The following FSTL4 variants were observed in gnomAD, a reference collection of about 807,000 sequenced individuals.
FSTL4 encodes follistatin-related protein 4.
In FSTL4, 28 loss-of-function variants were observed where a neutral mutation model predicts 78.2. The ratio of observed to expected loss-of-function variants is 0.36; its 90% CI spans 0.27 to 0.49. The LOEUF (loss-of-function observed/expected upper bound fraction) is 0.49. Among genes scored for constraint, FSTL4 ranks in the 20% least tolerant of loss-of-function variants. The probability of loss-of-function intolerance (pLI) is 0.98; values close to 1 mark genes in which losing one functional copy is unlikely to be tolerated. For missense variants in FSTL4, 922 were observed against 1,084.9 expected (o/e 0.85, Z 2.11); for synonymous variants, 422 against 440.5 (o/e 0.96, Z 0.53).
intron 6 of FSTL4, among the ~76,000 whole-genome samples, chr5:133,282,465 C>T (rs555371092): frequency 8.5e-5 from 13 of 152,240 alleles, no homozygotes; most frequent in Admixed American, 2.0e-4. Context: ...TTAACATTCA[C>T]GGAATAATTG....
the FSTL4 span, among the ~76,000 whole-genome samples, chr5:133,727,110 G>T: frequency 2.0e-5 from 3 of 152,072 alleles, no homozygotes; most frequent in Non-Finnish European, 4.4e-5. Flanking sequence ...AGCTAACTAT[G>T]TCCCAGACAA....
intron 4 of FSTL4, among the ~76,000 whole-genome samples, chr5:133,382,301 G>A (rs191774203): frequency 6.2e-4 from 95 of 152,324 alleles, no homozygotes; most frequent in South Asian, 2.1e-4. Flanking sequence ...GATGTACTGC[G>A]TGAGTGAGAA....
chr5:133,481,971 G>A (rs1320227022), intron 3 of FSTL4, among the ~76,000 whole-genome samples: 3 of 152,238 alleles, frequency 2.0e-5, no homozygotes, highest in African/African-American at 7.2e-5. Flanking sequence ...TCTTGAGAAG[G>A]AGGGAAGGAG....
intron 3 of FSTL4, among the ~76,000 whole-genome samples, chr5:133,491,125 A>C (rs1328714420): frequency 6.6e-6 from 1 of 152,252 alleles, no homozygotes; most frequent in Non-Finnish European, 1.5e-5. Context: ...AAAGAAAAAA[A>C]AATTGTTTTT....
the FSTL4 span, among the ~76,000 whole-genome samples, chr5:133,639,638 G>A: frequency 7.2e-5 from 11 of 152,252 alleles, no homozygotes; most frequent in African/African-American, 2.2e-4. Context: ...TCCTACTCTC[G>A]GGCCATCTGT....
chr5:133,575,769 G>A (rs548676010), intron 2 of FSTL4, among the ~76,000 whole-genome samples: 2 of 152,212 alleles, frequency 1.3e-5, no homozygotes, highest in South Asian at 4.2e-4. Flanking sequence ...CAAACCAGAT[G>A]GTTATAAATG....
the FSTL4 span, among the ~76,000 whole-genome samples, chr5:133,669,620 AT>A: frequency 6.6e-6 from 1 of 152,188 alleles, no homozygotes; most frequent in Non-Finnish European, 1.5e-5. Flanking sequence ...CCTTGGGAGC[AT>A]CTGGGACTAG....
the FSTL4 span, among the ~76,000 whole-genome samples, chr5:133,833,110 C>A: frequency 2.0e-5 from 3 of 152,190 alleles, no homozygotes; most frequent in Non-Finnish European, 4.4e-5. Context: ...ATCCCCTCTC[C>A]CTGCTGAGAC....
the FSTL4 span, among the ~76,000 whole-genome samples, chr5:133,717,324 T>C: frequency 1.3e-5 from 2 of 152,238 alleles, no homozygotes; most frequent in African/African-American, 4.8e-5. Flanking sequence ...GAGAACAACA[T>C]TTGTTTTCTC....
chr5:133,696,125 T>C, the FSTL4 span, among the ~76,000 whole-genome samples: 1 of 152,230 alleles, frequency 6.6e-6, no homozygotes, highest in Admixed American at 6.5e-5. Flanking sequence ...GAGTAGCCTT[T>C]TCCCATGGCT....
At chr5:133,734,329 T>G in the FSTL4 span, among the ~76,000 whole-genome samples, 1 of 152,222 alleles carries the variant, frequency 6.6e-6, no homozygotes, top group Admixed American at 6.5e-5. Context: ...CAAAGATTAT[T>G]GTTAATTTTA....
the FSTL4 span, among the ~76,000 whole-genome samples, chr5:133,827,551 A>G: frequency 3.9e-5 from 6 of 152,088 alleles, no homozygotes; most frequent in Non-Finnish European, 1.5e-5. Flanking sequence ...CTTATATATC[A>G]GCACCAACAT....
intron 3 of FSTL4, among the ~76,000 whole-genome samples, chr5:133,489,502 T>A (rs1376798887): frequency 6.6e-6 from 1 of 152,212 alleles, no homozygotes; most frequent in Non-Finnish European, 1.5e-5. Flanking sequence ...TTTGAGGTAC[T>A]ATCTAGAAGG....
the FSTL4 span, among the ~76,000 whole-genome samples, chr5:133,729,433 TTAAA>T: frequency 6.6e-6 from 1 of 152,052 alleles, no homozygotes; most frequent in South Asian, 2.1e-4. Context: ...GCTGGGAGGG[TTAAA>T]TAAATAATGC....
At chr5:133,530,041 T>A (rs1177163363) in intron 3 of FSTL4, among the ~76,000 whole-genome samples, 3 of 152,148 alleles carry the variant, frequency 2.0e-5, no homozygotes, top group Admixed American at 1.3e-4. Flanking sequence ...TTTGTTAGAC[T>A]TTTTTTCTTT....
At chr5:133,619,208 A>G in the FSTL4 span, among the ~76,000 whole-genome samples, 1 of 152,120 alleles carries the variant, frequency 6.6e-6, no homozygotes, top group Non-Finnish European at 1.5e-5. Flanking sequence ...TTCATTAAGT[A>G]TAAGACACCC....
the FSTL4 span, among the ~76,000 whole-genome samples, chr5:133,753,687 G>GTT: frequency 1.4e-4 from 5 of 35,722 alleles, no homozygotes; most frequent in African/African-American, 4.0e-4. Context: ...TTTGTTCTGT[G>GTT]TGTGTGTGTG....
the FSTL4 span, among the ~76,000 whole-genome samples, chr5:133,777,159 G>C: frequency 2.6e-5 from 4 of 151,824 alleles, no homozygotes; most frequent in East Asian, 5.8e-4. Context: ...AAATGAGAAG[G>C]AAAAATAGGA....
At chr5:133,316,264 A>T (rs905502221) in intron 5 of FSTL4, among the ~76,000 whole-genome samples, 195 bp downstream of exon 5, 1 of 152,206 alleles carries the variant, frequency 6.6e-6, no homozygotes, top group Admixed American at 6.5e-5. Context: ...GTTTTTTGCC[A>T]GATAGCTGAG....
Sources: allele counts gnomAD v4.1 joint callset (sites outside exome capture counted in the v4.1 genomes callset), GRCh38; gene constraint gnomAD v4.1.1; transcripts MANE v1.5; gene names NCBI Gene and HGNC (gene_info 2026-07-23, HGNC 2026-07-21).